MALT1: variants seen among roughly 807,000 people sequenced by gnomAD.
MALT1 encodes the protein MALT1 paracaspase, also known as mucosa-associated lymphoid tissue lymphoma translocation protein 1.
In MALT1, 36 loss-of-function variants were observed where a neutral mutation model predicts 85.5. That is an observed-to-expected ratio of 0.42 (90% confidence interval 0.32 to 0.56). MALT1 has a LOEUF of 0.56. MALT1 is among the 20% of genes least tolerant of loss of function. The probability of loss-of-function intolerance (pLI) is 0.10; values close to 1 mark genes in which losing one functional copy is unlikely to be tolerated. For missense variants in MALT1, 716 were observed against 981.6 expected, an observed-to-expected ratio of 0.73 and a Z score of 3.62; for synonymous variants, 359 against 361.3, an observed-to-expected ratio of 0.99 and a Z score of 0.07.
intron 2 of MALT1, among the ~76,000 whole-genome samples, chr18:58,694,817 C>G (rs1568130782): frequency 6.6e-6 from 1 of 152,190 alleles, no homozygotes; most frequent in Non-Finnish European, 1.5e-5. Flanking sequence ...AAGGTTTCCC[C>G]AGGGTTGGAG....
rs764214098 is a variant in MALT1 at position 58,747,849 on chromosome 18, T to G, written c.*7T>G. 2 of 1,607,256 alleles carry G rather than the reference T, an allele frequency of 1.2e-6. No homozygotes were observed. Among genetic ancestry groups the G allele is most frequent in the African/African-American group, 1.3e-5 (1 of 74,794 alleles). On this transcript the variant is annotated 3_prime_UTR_variant, in exon 17 of 17. Coordinates refer to ENST00000649217, the MANE Select transcript of MALT1 (RefSeq NM_006785.4). ...CAGAATTTCTGAAAAATGACCTCCT[T>G]GTTTTTGAAAGTTAGCATAATTTTA...
At chr18:58,681,924 T>C (rs531259072) in intron 2 of MALT1, among the ~76,000 whole-genome samples, 2 of 152,308 alleles carry the variant, frequency 1.3e-5, no homozygotes, top group South Asian at 2.1e-4. Context: ...TCCATTCAGC[T>C]GCTCTCCTCT....
At chr18:58,671,951 G>C in intron 1 of MALT1, 99 bp downstream of exon 1, 1 of 842,418 alleles carries the variant, frequency 1.2e-6, no homozygotes, top group Middle Eastern at 4.2e-4. Context: ...CGCGGCGGGG[G>C]CCGCCGGCGT....
chr18:58,740,757 CTA>C lies in MALT1; in HGVS notation c.1604-1106_1604-1105del, dbSNP rs558620860. Among the ~76,000 whole-genome samples the C allele has an allele frequency of 1.1e-3, 155 of 146,362 alleles. 1 individual carries two copies. The highest frequency in any genetic ancestry group is 6.8e-3 in the Middle Eastern group (2 of 292). On this transcript the variant is annotated intron_variant, in intron 13 of 16. Transcript: ENST00000649217. ...TTTTGTAGTAACTGGTTGCAGAACT[CTA>C]TGTATGCCCATTAGGTTTGGCGTAT...
chr18:58,710,514 A>G (rs780641082), intron 6 of MALT1, among the ~76,000 whole-genome samples: 10 of 152,110 alleles, frequency 6.6e-5, no homozygotes, highest in African/African-American at 1.2e-4. Flanking sequence ...GTGAGATTCC[A>G]TCTCTAATAC....
At chr18:58,713,280 C>G (rs2054856959) in intron 7 of MALT1, among the ~76,000 whole-genome samples, 1 of 151,928 alleles carries the variant, frequency 6.6e-6, no homozygotes, top group African/African-American at 2.4e-5. Context: ...GCTATAATGT[C>G]ATTACTTATT....
intron 2 of MALT1, chr18:58,690,269 C>G (rs1002599493): frequency 6.6e-6 from 1 of 152,444 alleles, no homozygotes; most frequent in Admixed American, 6.5e-5. Flanking sequence ...TTGTTGGTGC[C>G]TGGTAAGATG....
chr18:58,700,676 A>T (rs2054658545), intron 4 of MALT1, 85 bp downstream of exon 4: 1 of 1,242,088 alleles, frequency 8.1e-7, no homozygotes, highest in Non-Finnish European at 1.1e-6. Flanking sequence ...AACAATTTCA[A>T]AGTATCAAAA....
At chr18:58,713,139 CCTT>C (rs1440914955) in intron 7 of MALT1, among the ~76,000 whole-genome samples, 2 of 152,110 alleles carry the variant, frequency 1.3e-5, no homozygotes, top group South Asian at 2.1e-4. Flanking sequence ...CTGACTCAGA[CCTT>C]CTTCAATTGA....
Position 58,735,183 on chromosome 18 carries a change from T to A in MALT1, c.1476-19T>A. ...TTTGCCTTTCTGTGCCTGGCTTAAC[T>A]TCTTTTTCTATTTTTAAGGTGTCAA... On this transcript the variant is annotated intron_variant, in intron 12 of 16. Coordinates refer to ENST00000649217, the MANE Select transcript of MALT1 (RefSeq NM_006785.4). 5 of 1,597,388 alleles carry A rather than the reference T, an allele frequency of 3.1e-6. No individual in the cohort carries two copies. Among genetic ancestry groups the A allele is most frequent in the East Asian group, 2.2e-5 (1 of 44,770 alleles).
At chr18:58,699,757 A>G (rs577883983) in intron 3 of MALT1, among the ~76,000 whole-genome samples, 7 of 152,342 alleles carry the variant, frequency 4.6e-5, no homozygotes, top group South Asian at 4.1e-4. Context: ...CCCCTTGGCA[A>G]TGTGCCAAAG....
intron 2 of MALT1, among the ~76,000 whole-genome samples, chr18:58,685,037 T>G (rs1245037207): frequency 6.6e-6 from 1 of 152,074 alleles, no homozygotes; most frequent in Non-Finnish European, 1.5e-5. Flanking sequence ...GACAAACATA[T>G]AAAAGATCAT....
intron 10 of MALT1, among the ~76,000 whole-genome samples, chr18:58,727,652 A>T (rs1450117049): frequency 7.9e-6 from 1 of 126,318 alleles, no homozygotes; most frequent in Non-Finnish European, 1.6e-5. Context: ...TGAGGAAAAA[A>T]AGTCAGGGGG....
At chr18:58,733,679 T>C (rs763844085) in intron 11 of MALT1, 105 bp downstream of exon 11, 1 of 947,776 alleles carries the variant, frequency 1.1e-6, no homozygotes, top group Non-Finnish European at 1.6e-6. Flanking sequence ...TTGTGAATTT[T>C]AGTTTATACA....
At chr18:58,680,913 G>A (rs527417922) in intron 1 of MALT1, among the ~76,000 whole-genome samples, 138 of 114,764 alleles carry the variant, frequency 1.2e-3, no homozygotes, top group African/African-American at 4.0e-3. Context: ...CTGGGCGACA[G>A]AGCGAGACTC....
intron 1 of MALT1, among the ~76,000 whole-genome samples, chr18:58,677,231 T>G (rs1358914383): frequency 6.6e-6 from 1 of 152,162 alleles, no homozygotes; most frequent in Non-Finnish European, 1.5e-5. Context: ...CTCCTGTGCC[T>G]CTTGTAATGG....
At chr18:58,703,554 A>G (rs749932302) in intron 4 of MALT1, among the ~76,000 whole-genome samples, 11 of 152,134 alleles carry the variant, frequency 7.2e-5, no homozygotes, top group Non-Finnish European at 1.5e-4. Flanking sequence ...GGTGAAAGGA[A>G]AGCAAGGCAT....
intron 9 of MALT1, among the ~76,000 whole-genome samples, chr18:58,718,076 T>C (rs944796582): frequency 6.6e-6 from 1 of 152,196 alleles, no homozygotes; most frequent in Admixed American, 6.5e-5. Flanking sequence ...CCCTGAGATG[T>C]AGGTATTTTT....
At chr18:58,671,956 C>T in intron 1 of MALT1, 104 bp downstream of exon 1, 1 of 765,372 alleles carries the variant, frequency 1.3e-6, no homozygotes, top group Non-Finnish European at 1.8e-6. Flanking sequence ...CGGGGGCCGC[C>T]GGCGTGAGTG....
Sources: allele counts gnomAD v4.1 joint callset (sites outside exome capture counted in the v4.1 genomes callset), GRCh38; gene constraint gnomAD v4.1.1; transcripts MANE v1.5; gene names NCBI Gene and HGNC (gene_info 2026-07-23, HGNC 2026-07-21).